Variants in CREBBP observed in about 807,000 individuals in gnomAD.
CREBBP encodes the protein CREB binding lysine acetyltransferase, also known as CREB-binding protein.
CREBBP carries 19 observed loss-of-function variants against 265.0 expected under a neutral mutation model. The ratio of observed to expected loss-of-function variants is 0.07; its 90% CI spans 0.05 to 0.11. The LOEUF (loss-of-function observed/expected upper bound fraction) is 0.11. Ranked by LOEUF, CREBBP falls within the 10% of genes least tolerant of loss-of-function variation. The pLI is 1.00. For missense variants in CREBBP, 2,525 were observed against 3,219.0 expected, an observed-to-expected ratio of 0.78 and a Z score of 5.22; for synonymous variants, 1,457 against 1,223.7, an observed-to-expected ratio of 1.19 and a Z score of -3.98.
At chr16:3,764,452 G>GT (rs1567293150) in intron 16 of CREBBP, among the ~76,000 whole-genome samples, 1 of 144,424 alleles carries the variant, frequency 6.9e-6, no homozygotes, top group Non-Finnish European at 1.5e-5. Context: ...TTTTTAAACT[G>GT]TTTTGTAGAG....
Position 3,880,136 on chromosome 16 carries a change from CCCGGCCGCCGCCGCCGCCG to C in CREBBP, c.-239_-221del. 6.3e-6 allele frequency: 1 copy of C among 157,534 alleles called. No homozygotes were observed. Among genetic ancestry groups the C allele is most frequent in the Non-Finnish European group, 1.4e-5 (1 of 73,572 alleles). 9.8% of individuals were successfully genotyped at this position (157,534 alleles called of 1,614,324 possible). On this transcript the variant is annotated 5_prime_UTR_variant, in exon 1 of 31. It removes the in-frame stop codon of an upstream open reading frame in the 5' UTR. Coordinates refer to ENST00000262367, the MANE Select transcript of CREBBP (RefSeq NM_004380.3). Reference sequence around the variant, plus strand: ...CGCCCCGCAGCGCTCACCGCCCGCCCCCGGCCGCCGCCGCCGCCGCCGGCCGCGGCCCCCTCATCCCCTG... The same window carrying C: ...CGCCCCGCAGCGCTCACCGCCCGCCCCCGGCCGCGGCCCCCTCATCCCCTG...
At chr16:3,789,621 C>T (rs1482480767) in intron 5 of CREBBP, among the ~76,000 whole-genome samples, 2 of 152,126 alleles carry the variant, frequency 1.3e-5, no homozygotes, top group South Asian at 2.1e-4. Context: ...AGTTCACACA[C>T]GATAAGCATA....
At chr16:3,753,649 T>C (rs937657730) in intron 19 of CREBBP, among the ~76,000 whole-genome samples, 3 of 152,170 alleles carry the variant, frequency 2.0e-5, no homozygotes, top group African/African-American at 7.2e-5. Context: ...AACTTCCGTG[T>C]GCAGGAGGGT....
chr16:3,765,426 C>T (rs781266205), intron 16 of CREBBP, among the ~76,000 whole-genome samples: 5 of 152,180 alleles, frequency 3.3e-5, no homozygotes, highest in Non-Finnish European at 5.9e-5. Flanking sequence ...AGCTGCTTGC[C>T]CTCGTGGAGC....
intron 21 of CREBBP, among the ~76,000 whole-genome samples, chr16:3,748,499 G>T (rs2052399561): frequency 6.6e-6 from 1 of 152,212 alleles, no homozygotes; most frequent in African/African-American, 2.4e-5. Flanking sequence ...TAGAGATGAA[G>T]TAACCTGCCA....
chr16:3,766,682 C>A (rs772574875), intron 16 of CREBBP, among the ~76,000 whole-genome samples: 2 of 152,138 alleles, frequency 1.3e-5, no homozygotes, highest in African/African-American at 2.4e-5. Flanking sequence ...TGCACCACCA[C>A]ACTTAGCTAG....
chr16:3,772,985 G>A, intron 13 of CREBBP, among the ~76,000 whole-genome samples: 1 of 151,388 alleles, frequency 6.6e-6, no homozygotes, highest in Admixed American at 6.6e-5. Flanking sequence ...GTACTTGGCA[G>A]GCTTAGGCAG....
At chr16:3,773,009 AC>A (rs1487048188) in intron 13 of CREBBP, among the ~76,000 whole-genome samples, 5 of 151,492 alleles carry the variant, frequency 3.3e-5, no homozygotes, top group Non-Finnish European at 7.4e-5. Flanking sequence ...AATCGCTTGA[AC>A]CCGGGAGGCG....
At position 3,793,369 on chromosome 16, in the gene CREBBP, C is replaced by T; in HGVS notation, c.1216+17G>A. The T allele has an allele frequency of 1.9e-6, 3 of 1,613,760 alleles. No individual in the cohort carries two copies. The East Asian group carries it at 6.7e-5, about 36-fold the overall frequency. ...TTCCTGACCTCTACCACTAGGAGTT[C>T]CAAAAACAGCACTTACCTTGGCAGG... is the stretch of plus-strand genomic sequence containing the variant. On this transcript the variant is annotated intron_variant, in intron 4 of 30. Coordinates refer to ENST00000262367, the MANE Select transcript of CREBBP (RefSeq NM_004380.3).
chr16:3,811,769 C>T (rs2053942398), intron 2 of CREBBP, among the ~76,000 whole-genome samples: 1 of 152,334 alleles, frequency 6.6e-6, no homozygotes, highest in South Asian at 2.1e-4. Flanking sequence ...GCTCGGATTA[C>T]AGGCATGAGC....
intron 2 of CREBBP, among the ~76,000 whole-genome samples, chr16:3,849,443 GTGTGTGTGTGT>G (rs1567360537): frequency 0.027 from 539 of 20,026 alleles, 30 homozygotes; most frequent in Non-Finnish European, 0.077. Flanking sequence ...GTGTGTGTGT[GTGTGTGTGTGT>G]GTGTGTGTGT....
chr16:3,870,736 T>C (rs570315113), intron 1 of CREBBP, among the ~76,000 whole-genome samples: 9 of 152,344 alleles, frequency 5.9e-5, no homozygotes, highest in African/African-American at 1.9e-4. Context: ...ATCTTAGTCC[T>C]CACTGGCCCA....
chr16:3,777,762 G>C, intron 10 of CREBBP, 105 bp from the exon 11 acceptor site: 1 of 1,374,946 alleles, frequency 7.3e-7, no homozygotes, highest in South Asian at 1.2e-5. Flanking sequence ...ACTTAAAAGG[G>C]AAAACAGCCA....
chr16:3,851,496 C>G (rs1296980204), intron 1 of CREBBP, among the ~76,000 whole-genome samples: 1 of 151,918 alleles, frequency 6.6e-6, no homozygotes, highest in Non-Finnish European at 1.5e-5. Context: ...CTCAGATATA[C>G]AAATTAAAAG....
chr16:3,845,044 A>G (rs2141464124), intron 2 of CREBBP, among the ~76,000 whole-genome samples: 2 of 152,368 alleles, frequency 1.3e-5, no homozygotes, highest in South Asian at 4.1e-4. Flanking sequence ...AGTGAATCTT[A>G]TAAATCCAAA....
At chr16:3,821,463 C>G (rs1567339247) in intron 2 of CREBBP, among the ~76,000 whole-genome samples, 1 of 152,202 alleles carries the variant, frequency 6.6e-6, no homozygotes. Flanking sequence ...GATTCCATAG[C>G]CCCGCACCCT....
rs71133660 is a variant in CREBBP, at chr16:3,818,303, CTTTTTTTT to C, written c.799-7532_799-7525del. ...GAGTTTGATGTTTAGGTTTTCTTTT[CTTTTTTTT>C]TTTTTTTTTTTTTGAGATGGAGTCT... On this transcript the variant is annotated intron_variant, in intron 2 of 30. Transcript: ENST00000262367. Among the ~76,000 whole-genome samples the C allele has an allele frequency of 7.8e-3, 826 of 106,428 alleles. 8 individuals carry two copies. Among genetic ancestry groups the C allele is most frequent in the Middle Eastern group, 0.026 (5 of 192 alleles). 69.8% of individuals were successfully genotyped at this position (106,428 alleles called of 152,430 possible).
At position 3,731,148 on chromosome 16, in the gene CREBBP, G is replaced by C. The variant is rs2151315511; in HGVS notation, c.5172+44C>G. On this transcript the variant is annotated intron_variant, in intron 30 of 30. Coordinates refer to ENST00000262367, the MANE Select transcript of CREBBP (RefSeq NM_004380.3). The surrounding 1 kb of genome is among the most constrained non-coding windows in gnomAD (Gnocchi z 7.7). ...TGCAAAGGGACAGGATGCTTCGTCA[G>C]ACCCCAGGCCGGCTGTGGGGGTGGG... is the stretch of plus-strand genomic sequence containing the variant. 6.3e-7 allele frequency: 1 copy of C among 1,592,968 alleles called. No homozygotes were observed. The highest frequency in any genetic ancestry group is 8.6e-7 in the Non-Finnish European group (1 of 1,167,876).
intron 1 of CREBBP, among the ~76,000 whole-genome samples, chr16:3,866,051 G>C (rs2055173292): frequency 6.6e-6 from 1 of 152,152 alleles, no homozygotes; most frequent in South Asian, 2.1e-4. Flanking sequence ...TTTCCAGTTA[G>C]GGTCCTTATG....
Sources: gnomAD v4.1 joint callset for allele counts (sites outside exome capture counted in the v4.1 genomes callset) on GRCh38, gnomAD v4.1.1 for gene constraint, Gnocchi (gnomAD v3.1) non-coding constraint, MANE v1.5 for transcripts, NCBI Gene and HGNC (gene_info 2026-07-23, HGNC 2026-07-21) for gene names.